Variants in KCNB2 observed in about 807,000 individuals in gnomAD.
The protein encoded by KCNB2 is potassium voltage-gated channel subfamily B member 2, also known as delayed rectifier potassium channel protein.
A neutral mutation model predicts 61.5 loss-of-function variants in KCNB2; 15 were observed. The ratio of observed to expected loss-of-function variants is 0.24; its 90% CI spans 0.16 to 0.38. The LOEUF is 0.38. KCNB2 is among the 10% of genes least tolerant of loss of function. The pLI, the probability that KCNB2 is intolerant of heterozygous loss-of-function variation, is 1.00. For missense variants in KCNB2, 828 were observed against 1,125.2 expected (o/e 0.74, Z 3.78); for synonymous variants, 457 against 446.0 (o/e 1.02, Z -0.31).
At chr8:72,820,439 T>C (rs1434101261) in intron 2 of KCNB2, among the ~76,000 whole-genome samples, 1 of 152,184 alleles carries the variant, frequency 6.6e-6, no homozygotes, top group Non-Finnish European at 1.5e-5. Flanking sequence ...GCTGTCAGGG[T>C]GGCCTCCTCA....
rs1422806784 is a variant in KCNB2, at chr8:72,537,343, C to T, written c.-636C>T. ...CTGCTCCGCCACAGACACACACCCA[C>T]CAAGCACCCACCGCCCTCCGCCCTC... On this transcript the variant is annotated 5_prime_UTR_variant, in exon 1 of 3. Transcript: ENST00000523207. The T allele has an allele frequency of 2.0e-5, 3 of 150,054 alleles. No homozygotes were observed. The South Asian group carries it at 5.5e-4, about 27-fold the overall frequency. The allele number at this position is 150,054 out of a possible 1,614,324, so 9.3% of individuals were successfully genotyped here.
At chr8:72,586,076 G>A in intron 2 of KCNB2, among the ~76,000 whole-genome samples, 1 of 152,160 alleles carries the variant, frequency 6.6e-6, no homozygotes, top group African/African-American at 2.4e-5. Flanking sequence ...TCCGTGTGGA[G>A]AAGAAAAAAT....
intron 2 of KCNB2, among the ~76,000 whole-genome samples, chr8:72,845,641 G>A (rs553186680): frequency 6.6e-6 from 1 of 152,376 alleles, no homozygotes; most frequent in Admixed American, 6.5e-5. Flanking sequence ...CTGGCCCAGA[G>A]AGGAGGAATC....
intron 2 of KCNB2, among the ~76,000 whole-genome samples, chr8:72,753,649 C>A (rs1200532263): frequency 1.3e-5 from 2 of 152,168 alleles, no homozygotes; most frequent in Non-Finnish European, 2.9e-5. Context: ...AGAAAGCAGG[C>A]TCCATGAGCT....
intron 2 of KCNB2, among the ~76,000 whole-genome samples, chr8:72,716,670 A>T (rs1163195585): frequency 6.6e-6 from 1 of 152,194 alleles, no homozygotes; most frequent in Admixed American, 6.5e-5. Context: ...TCTCAAAATA[A>T]TAAGAGCTAT....
chr8:72,622,218 C>A (rs945072903), intron 2 of KCNB2, among the ~76,000 whole-genome samples: 2 of 152,016 alleles, frequency 1.3e-5, no homozygotes, highest in Admixed American at 1.3e-4. Context: ...AAATAGGAAT[C>A]AAAATGTTTG....
intron 2 of KCNB2, among the ~76,000 whole-genome samples, chr8:72,752,880 C>A (rs184048122): frequency 3.6e-4 from 55 of 152,300 alleles, no homozygotes; most frequent in Non-Finnish European, 7.1e-4. Flanking sequence ...ACACTGTGCA[C>A]TGAACTCTCA....
chr8:72,715,558 A>T (rs577934138), intron 2 of KCNB2, among the ~76,000 whole-genome samples: 1 of 152,336 alleles, frequency 6.6e-6, no homozygotes, highest in Non-Finnish European at 1.5e-5. Flanking sequence ...CTCCTGAATG[A>T]CTACTGGGTA....
chr8:72,666,367 T>G (rs967509999), intron 2 of KCNB2, among the ~76,000 whole-genome samples: 1 of 152,144 alleles, frequency 6.6e-6, no homozygotes, highest in Non-Finnish European at 1.5e-5. Flanking sequence ...ATTTTATATA[T>G]CTCCCACCTT....
chr8:72,750,924 A>G (rs1361812848), intron 2 of KCNB2: 1 of 152,116 alleles, frequency 6.6e-6, no homozygotes, highest in Non-Finnish European at 1.5e-5. Flanking sequence ...AGTGAAATCG[A>G]GATATGATAT....
intron 2 of KCNB2, among the ~76,000 whole-genome samples, chr8:72,699,653 A>C (rs138230955): frequency 4.2e-3 from 634 of 152,132 alleles, no homozygotes; most frequent in Non-Finnish European, 6.9e-3. Flanking sequence ...TGGTGTTTTC[A>C]TCATGAAGTC....
At chr8:72,575,566 A>G (rs1378361207) in intron 2 of KCNB2, among the ~76,000 whole-genome samples, 1 of 152,146 alleles carries the variant, frequency 6.6e-6, no homozygotes, top group East Asian at 1.9e-4. Flanking sequence ...TGAATATTAC[A>G]TATCACATAT....
chr8:72,695,971 G>T (rs1261270304), intron 2 of KCNB2, among the ~76,000 whole-genome samples: 1 of 152,194 alleles, frequency 6.6e-6, no homozygotes, highest in Non-Finnish European at 1.5e-5. Flanking sequence ...TATAGATTGA[G>T]TTGAATCAGG....
At position 72,937,912 on chromosome 8, in the gene KCNB2, T is replaced by C. The variant is rs1806964121; in HGVS notation, c.2557T>C (p.Ser853Pro). The C allele has an allele frequency of 6.2e-7, 1 of 1,614,114 alleles. No homozygotes were observed. Among genetic ancestry groups the C allele is most frequent in the South Asian group, 1.1e-5 (1 of 91,086 alleles). ...TTTAAGAGAAGAGGGCAGTGTGGGCTCTTCCTCCCCGCAGGACACAGGTCA... is the reference window on the plus strand; with the variant it reads ...TTTAAGAGAAGAGGGCAGTGTGGGCCCTTCCTCCCCGCAGGACACAGGTCA... ...DPLREEGSVG[S>P]SSPQDTGHNC... Residue 853 changes from serine to proline, a missense_variant, in exon 3 of 3, where the codon TCT becomes CCT. Around this residue, in one of 4 missense-constraint regions of KCNB2, gnomAD observed 559 missense variants for 588.4 expected, o/e 0.95. Transcript: ENST00000523207.
intron 2 of KCNB2, among the ~76,000 whole-genome samples, chr8:72,745,127 G>T (rs1808036202): frequency 6.6e-6 from 1 of 152,208 alleles, no homozygotes; most frequent in Non-Finnish European, 1.5e-5. Context: ...GATCCAGAGA[G>T]AACTGGTGCC....
chr8:72,868,856 G>T (rs959845145), intron 2 of KCNB2, among the ~76,000 whole-genome samples: 4 of 152,128 alleles, frequency 2.6e-5, no homozygotes, highest in African/African-American at 9.7e-5. Context: ...TCCATGAAAG[G>T]CTCTAACCAG....
chr8:72,594,968 G>A (rs1299217597), intron 2 of KCNB2, among the ~76,000 whole-genome samples: 2 of 152,230 alleles, frequency 1.3e-5, no homozygotes, highest in African/African-American at 2.4e-5. Flanking sequence ...ACAAGAATTC[G>A]TACAAGAACA....
At chr8:72,726,308 C>G (rs1207484879) in intron 2 of KCNB2, among the ~76,000 whole-genome samples, 2 of 152,172 alleles carry the variant, frequency 1.3e-5, no homozygotes, top group African/African-American at 2.4e-5. Context: ...ACCTTGATCT[C>G]AGATTTCCAG....
chr8:72,672,806 C>T (rs28662823), intron 2 of KCNB2, among the ~76,000 whole-genome samples: 8,792 of 152,110 alleles, frequency 0.058, 813 homozygotes, highest in African/African-American at 0.2. Flanking sequence ...AAACAATTCA[C>T]AGTCTTATAA....
Sources: allele counts gnomAD v4.1 joint callset (sites outside exome capture counted in the v4.1 genomes callset), GRCh38; gene constraint gnomAD v4.1.1; regional missense constraint gnomAD v4.1.1; transcripts MANE v1.5; gene names NCBI Gene and HGNC (gene_info 2026-07-23, HGNC 2026-07-21).